The following FAM3C variants were observed in gnomAD, a reference collection of about 807,000 sequenced individuals.
The protein encoded by FAM3C is FAM3 metabolism regulating signaling molecule C.
A neutral mutation model predicts 32.5 loss-of-function variants in FAM3C; 15 were observed. The observed-to-expected ratio is 0.46, with a 90% CI of 0.31 to 0.71. The LOEUF is 0.71. Ranked by LOEUF, FAM3C falls within the 30% of genes least tolerant of loss-of-function variation. The pLI is 0.05. For synonymous variants in FAM3C, 75 were observed against 86.1 expected (o/e 0.87, Z 0.72); for missense variants, 175 against 274.4 (o/e 0.64, Z 2.56).
chr7:121,365,814 AAG>A (rs1406748552), intron 5 of FAM3C, among the ~76,000 whole-genome samples: 5 of 152,160 alleles, frequency 3.3e-5, no homozygotes, highest in African/African-American at 1.2e-4. Context: ...AAAGGGTAGA[AAG>A]AGACATATCA....
At position 121,393,536 on chromosome 7, in the gene FAM3C, G is replaced by C. The variant is rs186037155; in HGVS notation, c.-42+2626C>G. ...AACTCACTGAAGTTAGAAAAATCAT[G>C]AATAGCGGATTTTCAAAATTAGATT... On this transcript the variant is annotated intron_variant, in intron 1 of 9. Coordinates refer to ENST00000359943, the MANE Select transcript of FAM3C (RefSeq NM_014888.3). Among the ~76,000 whole-genome samples the C allele has an allele frequency of 2.0e-5, 3 of 152,246 alleles. 1 individual carries two copies. Among genetic ancestry groups the C allele is most frequent in the Middle Eastern group, 6.8e-3 (2 of 294 alleles).
At chr7:121,356,150 C>T (rs189532368) in intron 8 of FAM3C, among the ~76,000 whole-genome samples, 3 of 151,886 alleles carry the variant, frequency 2.0e-5, no homozygotes, top group Admixed American at 2.0e-4. Context: ...TAATACAATT[C>T]TAGTCTGCAT....
chr7:121,381,874 T>C (rs1013392532), intron 2 of FAM3C, among the ~76,000 whole-genome samples: 3 of 152,200 alleles, frequency 2.0e-5, no homozygotes, highest in African/African-American at 7.2e-5. Context: ...CAGTTATCTT[T>C]GTTTAATAAT....
In FAM3C at chr7:121,360,099, C is replaced by T. The variant is rs754397962; in HGVS notation, c.411G>A (p.Lys137=). ...GDVAPFIEFL[K]AIQDGTIVLM... ...AAACTATTGTTCCATCTTGTATGGC[C>T]TTCAGAAACTCAATAAATGGTGCCA... The change falls in exon 8 of 10, where the codon AAG becomes AAA. Residue 137 remains lysine (K), a synonymous_variant. Coordinates refer to ENST00000359943, the MANE Select transcript of FAM3C (RefSeq NM_014888.3). 2.1e-5 allele frequency: 34 copies of T among 1,598,798 alleles called. No homozygotes were observed. The South Asian group carries it at 3.2e-4, about 15-fold the overall frequency.
chr7:121,365,789 A>G (rs1794013587), intron 5 of FAM3C, among the ~76,000 whole-genome samples: 1 of 152,164 alleles, frequency 6.6e-6, no homozygotes, highest in Admixed American at 6.5e-5. Flanking sequence ...ATAATTATAT[A>G]GGCAGTGGAA....
chr7:121,381,441 C>T (rs1020204456), intron 2 of FAM3C, among the ~76,000 whole-genome samples: 2 of 152,122 alleles, frequency 1.3e-5, no homozygotes, highest in Non-Finnish European at 2.9e-5. Flanking sequence ...AAAATAAGCA[C>T]TCAGTGAATA....
At chr7:121,369,894 G>GT (rs1209911233) in intron 5 of FAM3C, among the ~76,000 whole-genome samples, 1 of 152,052 alleles carries the variant, frequency 6.6e-6, no homozygotes, top group Non-Finnish European at 1.5e-5. Flanking sequence ...TTCTGAGTGT[G>GT]TTTTGTTGTT....
At chr7:121,386,887 T>C (rs913255268) in intron 1 of FAM3C, among the ~76,000 whole-genome samples, 1 of 152,032 alleles carries the variant, frequency 6.6e-6, no homozygotes, top group African/African-American at 2.4e-5. Flanking sequence ...GTTACTCCGA[T>C]GTTGCATTTA....
chr7:121,349,997 T>C lies in FAM3C; in HGVS notation c.*464A>G, dbSNP rs1294311750. On this transcript the variant is annotated 3_prime_UTR_variant, in exon 10 of 10. Transcript: ENST00000359943. ...GGAGAGTCGGACTGTAAAGTAACAT[T>C]ACACACACAACTAGCCAAATCTCTT... is the stretch of plus-strand genomic sequence containing the variant. The C allele has an allele frequency of 6.5e-6, 1 of 153,194 alleles. No individual in the cohort carries two copies. Among genetic ancestry groups the C allele is most frequent in the Non-Finnish European group, 1.4e-5 (1 of 71,980 alleles). The allele number at this position is 153,194 out of a possible 1,614,324, so 9.5% of individuals were successfully genotyped here.
intron 8 of FAM3C, among the ~76,000 whole-genome samples, chr7:121,353,321 T>C (rs1467423020): frequency 6.6e-6 from 1 of 152,224 alleles, no homozygotes; most frequent in African/African-American, 2.4e-5. Flanking sequence ...TTATGATCTG[T>C]ATGAATAAAC....
chr7:121,365,172 A>C (rs1386541229), intron 5 of FAM3C, among the ~76,000 whole-genome samples: 1 of 152,174 alleles, frequency 6.6e-6, no homozygotes, highest in Non-Finnish European at 1.5e-5. Context: ...CGATTCTCAC[A>C]GAGTATTTTA....
chr7:121,351,333 C>T, intron 8 of FAM3C, 64 bp from the exon 9 acceptor site: 1 of 1,410,366 alleles, frequency 7.1e-7, no homozygotes, highest in Non-Finnish European at 9.6e-7. Flanking sequence ...TACTGGTTCA[C>T]TGGGATATTA....
At chr7:121,370,802 C>T (rs1794130329) in intron 5 of FAM3C, among the ~76,000 whole-genome samples, 1 of 152,124 alleles carries the variant, frequency 6.6e-6, no homozygotes, top group African/African-American at 2.4e-5. Flanking sequence ...AAAGAGAACA[C>T]ATTCATTGTC....
chr7:121,376,039 G>A (rs958472824), intron 3 of FAM3C, among the ~76,000 whole-genome samples: 4 of 152,152 alleles, frequency 2.6e-5, no homozygotes, highest in South Asian at 2.1e-4. Context: ...AACATGGAAC[G>A]AGTCCTCTAT....
At chr7:121,352,921 C>T (rs989698436) in intron 8 of FAM3C, among the ~76,000 whole-genome samples, 1 of 152,082 alleles carries the variant, frequency 6.6e-6, no homozygotes, top group Non-Finnish European at 1.5e-5. Context: ...TCAGCACTAG[C>T]GATGAGTTTT....
chr7:121,389,232 A>C, intron 1 of FAM3C, among the ~76,000 whole-genome samples: 1 of 152,120 alleles, frequency 6.6e-6, no homozygotes, highest in East Asian at 1.9e-4. Flanking sequence ...CAATGTTAAG[A>C]ATTTCATAGT....
At chr7:121,354,105 T>A (rs1448644665) in intron 8 of FAM3C, among the ~76,000 whole-genome samples, 2 of 152,214 alleles carry the variant, frequency 1.3e-5, no homozygotes, top group African/African-American at 4.8e-5. Flanking sequence ...AAAATCTTTA[T>A]ATTTCAAAAG....
Position 121,351,187 on chromosome 7 carries a change from A to C in FAM3C, c.550T>G (p.Phe184Val). 1 of 1,613,788 alleles carries C rather than the reference A, an allele frequency of 6.2e-7. No homozygotes were observed. Among genetic ancestry groups the C allele is most frequent in the Non-Finnish European group, 8.5e-7 (1 of 1,179,774 alleles). The change falls in exon 9 of 10, where the codon TTC becomes GTC. Residue 184 changes from phenylalanine (F) to valine (V), a missense_variant. Physicochemically the swap from Phe to Val is conservative, Grantham distance 50. Coordinates refer to ENST00000359943, the MANE Select transcript of FAM3C (RefSeq NM_014888.3). ...GTCTTAATGCCCTTCCCACCACAGA[A>C]GACCCAGTTGTCTCTAAAACCAAGA... ...TNLGFRDNWV[F>V]CGGKGIKTKS...
At chr7:121,354,685 A>G (rs1194980695) in intron 8 of FAM3C, among the ~76,000 whole-genome samples, 6 of 152,202 alleles carry the variant, frequency 3.9e-5, no homozygotes, top group Non-Finnish European at 8.8e-5. Flanking sequence ...AAATCGCCAT[A>G]TTACCTCAGG....
Sources: allele counts gnomAD v4.1 joint callset (sites outside exome capture counted in the v4.1 genomes callset), GRCh38; gene constraint gnomAD v4.1.1; transcripts MANE v1.5; gene names NCBI Gene and HGNC (gene_info 2026-07-23, HGNC 2026-07-21).